GRIK2: variants seen among roughly 807,000 people sequenced by gnomAD.
The protein encoded by GRIK2 is glutamate receptor ionotropic, kainate 2.
In GRIK2, 32 loss-of-function variants were observed where a neutral mutation model predicts 100.3. The observed-to-expected ratio is 0.32, with a 90% confidence interval of 0.24 to 0.43. The LOEUF is 0.43. Ranked by LOEUF, GRIK2 falls within the 20% of genes least tolerant of loss-of-function variation. The probability of loss-of-function intolerance (pLI) is 1.00; values close to 1 mark genes in which losing one functional copy is unlikely to be tolerated. For synonymous variants in GRIK2, 417 were observed against 389.4 expected, an observed-to-expected ratio of 1.07 and a Z score of -0.83; for missense variants, 843 against 1,114.9, an observed-to-expected ratio of 0.76 and a Z score of 3.47.
At chr6:101,527,975 T>G (rs1465299461) in intron 2 of GRIK2, among the ~76,000 whole-genome samples, 1 of 152,096 alleles carries the variant, frequency 6.6e-6, no homozygotes, top group Non-Finnish European at 1.5e-5. Flanking sequence ...GTGGCATGGA[T>G]TTGTAGGGTC....
At chr6:101,916,567 T>C (rs1789119558) in intron 12 of GRIK2, among the ~76,000 whole-genome samples, 1 of 151,586 alleles carries the variant, frequency 6.6e-6, no homozygotes, top group Non-Finnish European at 1.5e-5. Flanking sequence ...TGGGAAATGA[T>C]AAAGATTGAA....
chr6:101,480,741 G>T (rs1772485807), intron 2 of GRIK2, among the ~76,000 whole-genome samples: 1 of 152,072 alleles, frequency 6.6e-6, no homozygotes, highest in African/African-American at 2.4e-5. Flanking sequence ...AAAAAACTGG[G>T]ATAAATGCAA....
intron 14 of GRIK2, among the ~76,000 whole-genome samples, chr6:102,030,501 A>G (rs1236333184): frequency 6.7e-6 from 1 of 150,082 alleles, no homozygotes; most frequent in African/African-American, 2.4e-5. Context: ...TAAGAGCTTC[A>G]CTCCCCTCAA....
chr6:101,783,283 G>A (rs965386109), intron 7 of GRIK2, among the ~76,000 whole-genome samples: 2 of 151,976 alleles, frequency 1.3e-5, no homozygotes, highest in Non-Finnish European at 2.9e-5. Flanking sequence ...CATGAGATCT[G>A]ATGATTTTCA....
intron 14 of GRIK2, among the ~76,000 whole-genome samples, chr6:102,014,990 T>C (rs1180571478): frequency 6.6e-6 from 1 of 152,140 alleles, no homozygotes; most frequent in African/African-American, 2.4e-5. Context: ...GTCCTGAATA[T>C]CTTTGTTAAT....
intron 9 of GRIK2, among the ~76,000 whole-genome samples, chr6:101,806,271 C>T (rs753510225): frequency 6.6e-6 from 1 of 152,038 alleles, no homozygotes; most frequent in East Asian, 1.9e-4. Context: ...AGTGATTTTC[C>T]AAGCTTGAAT....
intron 7 of GRIK2, chr6:101,744,533 T>TATATATA (rs1776273690): frequency 1.1e-5 from 1 of 89,438 alleles, no homozygotes; most frequent in Non-Finnish European, 2.1e-5. Flanking sequence ...CATATATATA[T>TATATATA]ATATATATAT....
intron 4 of GRIK2, among the ~76,000 whole-genome samples, chr6:101,629,602 A>G (rs1043056394): frequency 1.3e-5 from 2 of 152,128 alleles, no homozygotes; most frequent in African/African-American, 2.4e-5. Context: ...AACTTTGATT[A>G]TTTAATATGA....
chr6:101,458,288 C>A (rs1771114675), intron 2 of GRIK2, among the ~76,000 whole-genome samples: 1 of 152,134 alleles, frequency 6.6e-6, no homozygotes, highest in East Asian at 1.9e-4. Context: ...TGACTTATTT[C>A]ATCACAATAT....
At chr6:101,475,227 C>T (rs1262183377) in intron 2 of GRIK2, among the ~76,000 whole-genome samples, 1 of 151,904 alleles carries the variant, frequency 6.6e-6, no homozygotes, top group Non-Finnish European at 1.5e-5. Flanking sequence ...AGAGATCTGA[C>T]ACTTTTCTTC....
chr6:101,398,379 C>T (rs1034335031), intron 1 of GRIK2, among the ~76,000 whole-genome samples: 2 of 152,200 alleles, frequency 1.3e-5, no homozygotes, highest in African/African-American at 4.8e-5. Context: ...TCTCCTACTT[C>T]TGGGTAGCAA....
chr6:101,574,071 T>C (rs1019074584), intron 2 of GRIK2, among the ~76,000 whole-genome samples: 4 of 151,600 alleles, frequency 2.6e-5, no homozygotes, highest in Admixed American at 2.0e-4. Flanking sequence ...GAATTTTAGG[T>C]CTTGATTGTA....
At chr6:102,020,246 A>G (rs1454811756) in intron 14 of GRIK2, among the ~76,000 whole-genome samples, 2 of 131,990 alleles carry the variant, frequency 1.5e-5, no homozygotes, top group Admixed American at 7.1e-5. Flanking sequence ...AGTGTTAAAG[A>G]AAAAAAAATC....
rs192776997 is a variant in GRIK2 at position 102,008,420 on chromosome 6, G to A, written c.2086-26921G>A. 3.3e-4 allele frequency among the ~76,000 whole-genome samples: 50 copies of A among 152,110 alleles called. No individual in the cohort carries two copies. In the East Asian group the frequency reaches 8.3e-3, roughly 25 times the overall value. ...CTTCAGCAAAGTTGAAAGCAATGTCGCCTGATGACAGAGAACTAGTAACAA... is the reference window on the plus strand; with the variant it reads ...CTTCAGCAAAGTTGAAAGCAATGTCACCTGATGACAGAGAACTAGTAACAA... On this transcript the variant is annotated intron_variant, in intron 14 of 16. Transcript: ENST00000369134.
intron 12 of GRIK2, among the ~76,000 whole-genome samples, chr6:101,921,174 T>G (rs1170407985): frequency 6.6e-6 from 1 of 152,062 alleles, no homozygotes; most frequent in Non-Finnish European, 1.5e-5. Flanking sequence ...TCAAAGGATA[T>G]TAAGCCTAAG....
At chr6:101,906,037 G>T (rs1436419689) in intron 12 of GRIK2, among the ~76,000 whole-genome samples, 1 of 151,458 alleles carries the variant, frequency 6.6e-6, no homozygotes, top group East Asian at 1.9e-4. Context: ...AAATATTAAA[G>T]TGCGTTTAGA....
At chr6:101,500,873 A>G (rs1429632311) in intron 2 of GRIK2, among the ~76,000 whole-genome samples, 4 of 152,062 alleles carry the variant, frequency 2.6e-5, no homozygotes, top group Non-Finnish European at 4.4e-5. Flanking sequence ...AGGTTTTAGT[A>G]TAAATGAATA....
At chr6:101,848,221 A>G (rs1461400903) in intron 10 of GRIK2, among the ~76,000 whole-genome samples, 1 of 152,092 alleles carries the variant, frequency 6.6e-6, no homozygotes, top group Non-Finnish European at 1.5e-5. Flanking sequence ...TCCAACCAAG[A>G]TTCTGTAGTT....
intron 4 of GRIK2, among the ~76,000 whole-genome samples, chr6:101,653,099 T>G (rs943525549): frequency 2.6e-5 from 4 of 152,180 alleles, no homozygotes; most frequent in African/African-American, 9.6e-5. Flanking sequence ...GCCTTGAGGT[T>G]GTAAACAGAT....
Sources: gnomAD v4.1 joint callset for allele counts (sites outside exome capture counted in the v4.1 genomes callset) on GRCh38, gnomAD v4.1.1 for gene constraint, MANE v1.5 for transcripts, NCBI Gene and HGNC (gene_info 2026-07-23, HGNC 2026-07-21) for gene names.